ATP13A4: variants seen among roughly 807,000 people sequenced by gnomAD.
ATP13A4 encodes the protein probable cation-transporting ATPase 13A4.
In ATP13A4, 114 loss-of-function variants were observed where a neutral mutation model predicts 142.5. The ratio of observed to expected loss-of-function variants is 0.80; its 90% CI spans 0.69 to 0.93. The LOEUF (loss-of-function observed/expected upper bound fraction) is 0.93. ATP13A4 is among the 40% of genes least tolerant of loss of function. The pLI is 0.00. For synonymous variants in ATP13A4, 488 were observed against 514.8 expected, an observed-to-expected ratio of 0.95 and a Z score of 0.70; for missense variants, 1,392 against 1,454.0, an observed-to-expected ratio of 0.96 and a Z score of 0.69.
intron 1 of ATP13A4, among the ~76,000 whole-genome samples, chr3:193,520,287 C>T (rs1485733181): frequency 6.6e-6 from 1 of 152,114 alleles, no homozygotes; most frequent in East Asian, 1.9e-4. Context: ...TATTATCTCC[C>T]TGGACACTAA....
chr3:193,479,733 C>T (rs1719182476), intron 8 of ATP13A4, among the ~76,000 whole-genome samples: 1 of 152,092 alleles, frequency 6.6e-6, no homozygotes, highest in African/African-American at 2.4e-5. Context: ...CATGAAAATA[C>T]CATCATCATT....
chr3:193,415,116 T>C (rs374412388), intron 25 of ATP13A4, among the ~76,000 whole-genome samples: 2 of 152,348 alleles, frequency 1.3e-5, no homozygotes, highest in East Asian at 3.9e-4. Context: ...TTCATAACTT[T>C]CGACATAGTT....
At chr3:193,412,062 G>C (rs1005996311) in intron 27 of ATP13A4, 116 bp downstream of exon 27, 4 of 906,402 alleles carry the variant, frequency 4.4e-6, no homozygotes, top group Middle Eastern at 2.1e-4. Flanking sequence ...TCCTAGAGTG[G>C]AAGTCAAGAG....
Position 193,435,602 on chromosome 3 carries a change from CTTGT to C in ATP13A4, c.2769+42_2769+45del, listed in dbSNP as rs780049394. On this transcript the variant is annotated intron_variant, in intron 24 of 29. Coordinates refer to ENST00000342695, the MANE Select transcript of ATP13A4 (RefSeq NM_032279.4). ...ATTGTAAATTGAGAGTGCACCGCTA[CTTGT>C]TTTAGTTCACACTAACCAAGAGGCT... is the stretch of plus-strand genomic sequence containing the variant. 25 of 1,468,038 alleles carry C rather than the reference CTTGT, an allele frequency of 1.7e-5. No homozygotes were observed. In the African/African-American group the frequency reaches 3.1e-4, roughly 18 times the overall value. The allele number at this position is 1,468,038 out of a possible 1,614,324, so 90.9% of individuals were successfully genotyped here.
At chr3:193,406,633 C>G (rs1006000451) in intron 29 of ATP13A4, among the ~76,000 whole-genome samples, 28 of 152,114 alleles carry the variant, frequency 1.8e-4, no homozygotes, top group Non-Finnish European at 4.0e-4. Context: ...AGAATAAAAG[C>G]TAGAAAATGG....
chr3:193,399,207 T>C lies in ATP13A4; in HGVS notation c.*3445A>G, dbSNP rs1177133511. Among the ~76,000 whole-genome samples, 4 of 152,218 alleles carry C rather than the reference T, an allele frequency of 2.6e-5. No individual in the cohort carries two copies. Among genetic ancestry groups the C allele is most frequent in the Admixed American group, 6.5e-5 (1 of 15,284 alleles). ...GCACCGTCTCAAATGATTTGGACTA[T>C]GTGACTGTGTTCGTTTCTCCTTCAG... On this transcript the variant is annotated 3_prime_UTR_variant, in exon 30 of 30. Transcript: ENST00000342695.
At chr3:193,443,683 T>C (rs1173790786) in intron 18 of ATP13A4, among the ~76,000 whole-genome samples, 1 of 152,192 alleles carries the variant, frequency 6.6e-6, no homozygotes, top group Non-Finnish European at 1.5e-5. Flanking sequence ...GTTGGAAGTA[T>C]CAGACAATGG....
Position 193,483,981 on chromosome 3 carries a change from C to G in ATP13A4, c.763G>C (p.Val255Leu). 1 of 1,609,824 alleles carries G rather than the reference C, an allele frequency of 6.2e-7. No homozygotes were observed. Among genetic ancestry groups the G allele is most frequent in the Non-Finnish European group, 8.5e-7 (1 of 1,176,446 alleles). Residue 255 changes from valine (V) to leucine (L), a missense_variant, in exon 8 of 30, where the codon GTC becomes CTC. Val to Leu is a conservative substitution (Grantham distance 32). Transcript: ENST00000342695. ...ACCGTAATGCTATTATGTGACTCGA[C>G]GAGATGGTGGAGTTTTACAGATTGC... ...REQSVKLHHL[V>L]ESHNSITVSV...
At chr3:193,579,927 G>T (rs572651982) in intron 2 of ATP13A4, among the ~76,000 whole-genome samples, 1 of 152,274 alleles carries the variant, frequency 6.6e-6, no homozygotes, top group African/African-American at 2.4e-5. Flanking sequence ...GTAATAGAAT[G>T]ATACAGAAGG....
intron 2 of ATP13A4, among the ~76,000 whole-genome samples, chr3:193,560,260 G>A (rs988761252): frequency 1.3e-5 from 2 of 151,556 alleles, no homozygotes; most frequent in African/African-American, 2.4e-5. Context: ...CCAGACTGGA[G>A]TGCAGAGGTG....
At chr3:193,580,473 C>G (rs1724514667) in intron 2 of ATP13A4, among the ~76,000 whole-genome samples, 1 of 152,190 alleles carries the variant, frequency 6.6e-6, no homozygotes, top group South Asian at 2.1e-4. Context: ...GATGTGGGAG[C>G]TGGTCCTTCT....
intron 2 of ATP13A4, among the ~76,000 whole-genome samples, chr3:193,510,396 G>A (rs888216092): frequency 2.0e-5 from 3 of 152,058 alleles, no homozygotes; most frequent in African/African-American, 7.2e-5. Context: ...GCACACCACG[G>A]GTCTTTGACA....
chr3:193,540,574 A>C (rs2930943), intron 1 of ATP13A4, among the ~76,000 whole-genome samples: 1 of 151,736 alleles, frequency 6.6e-6, no homozygotes, highest in Non-Finnish European at 1.5e-5. Flanking sequence ...CTTATACAAA[A>C]CACAAGACAA....
intron 2 of ATP13A4, among the ~76,000 whole-genome samples, chr3:193,511,136 C>A (rs922851022): frequency 3.3e-5 from 5 of 152,184 alleles, no homozygotes; most frequent in Non-Finnish European, 5.9e-5. Context: ...AAATGACACA[C>A]AAGAGCAGGC....
chr3:193,440,342 T>G (rs1365885627), intron 21 of ATP13A4: 1 of 868,508 alleles, frequency 1.2e-6, no homozygotes, highest in African/African-American at 1.7e-5. Context: ...AAATACTGAT[T>G]TTTTAAGCCC....
At position 193,399,833 on chromosome 3, in the gene ATP13A4, G is replaced by C. The variant is rs147804162; in HGVS notation, c.*2819C>G. ...TGCACTCTAGCCTGGGCAACAGAGT[G>C]AGACTCCATCTCAAAAAAAAAAAAA... is the stretch of plus-strand genomic sequence containing the variant. On this transcript the variant is annotated 3_prime_UTR_variant, in exon 30 of 30. Coordinates refer to ENST00000342695, the MANE Select transcript of ATP13A4 (RefSeq NM_032279.4). 8.2e-3 allele frequency among the ~76,000 whole-genome samples: 881 copies of C among 107,484 alleles called. 10 individuals carry two copies. Among genetic ancestry groups the C allele is most frequent in the African/African-American group, 0.031 (845 of 27,614 alleles). The allele number at this position is 107,484 out of a possible 152,430, so 70.5% of individuals were successfully genotyped here. A position where few individuals can be genotyped will look rare whatever the true frequency, so the allele number is the denominator to read the frequency against.
intron 13 of ATP13A4, among the ~76,000 whole-genome samples, 192 bp from the exon 14 acceptor site, chr3:193,459,423 T>C (rs1320211879): frequency 6.6e-6 from 1 of 152,220 alleles, no homozygotes; most frequent in Non-Finnish European, 1.5e-5. Context: ...GAAAGGTCTC[T>C]GAGTTTTTTC....
rs910609118 is a variant in ATP13A4, at chr3:193,439,157, G to T, written c.2520-92C>A. On this transcript the variant is annotated intron_variant, in intron 21 of 29. Coordinates refer to ENST00000342695, the MANE Select transcript of ATP13A4 (RefSeq NM_032279.4). Reference sequence around the variant, plus strand: ...AACAAAGTAACCATCATTACTTAGGGTTCAAACTCATTATTTAAGGGAATT... The same window carrying T: ...AACAAAGTAACCATCATTACTTAGGTTTCAAACTCATTATTTAAGGGAATT... 8 of 1,302,556 alleles carry T rather than the reference G, an allele frequency of 6.1e-6. No homozygotes were observed. In the African/African-American group the frequency reaches 8.8e-5, roughly 14 times the overall value. The allele number at this position is 1,302,556 out of a possible 1,614,324, so 80.7% of individuals were successfully genotyped here. A position where few individuals can be genotyped will look rare whatever the true frequency, so the allele number is the denominator to read the frequency against.
chr3:193,519,626 A>ATT lies in ATP13A4; in HGVS notation c.61-4757_61-4756dup, dbSNP rs147173408. 3.0e-3 allele frequency among the ~76,000 whole-genome samples: 207 copies of ATT among 69,038 alleles called. 8 individuals carry two copies. The highest frequency in any genetic ancestry group is 9.4e-3 in the Middle Eastern group (1 of 106). 45.3% of individuals were successfully genotyped at this position (69,038 alleles called of 152,430 possible). A position where few individuals can be genotyped will look rare whatever the true frequency, so the allele number is the denominator to read the frequency against. ...GAATTTTCACAATTTGCAATTTGTA[A>ATT]TTTTTTTTTTTTTTTTTTTTTTTTT... On this transcript the variant is annotated intron_variant, in intron 1 of 29. Transcript: ENST00000342695.
Sources: allele counts gnomAD v4.1 joint callset (sites outside exome capture counted in the v4.1 genomes callset), GRCh38; gene constraint gnomAD v4.1.1; transcripts MANE v1.5; gene names NCBI Gene and HGNC (gene_info 2026-07-23, HGNC 2026-07-21).